RAB3GAP1: variants seen among roughly 807,000 people sequenced by gnomAD.
RAB3GAP1 encodes RAB3 GTPase activating protein catalytic subunit 1.
RAB3GAP1 carries 86 observed loss-of-function variants against 130.7 expected under a neutral mutation model. The ratio of observed to expected loss-of-function variants is 0.66; its 90% CI spans 0.55 to 0.79. The LOEUF (loss-of-function observed/expected upper bound fraction) is 0.79, where lower values mean the gene tolerates loss of function less well. RAB3GAP1 is among the 30% of genes least tolerant of loss of function. RAB3GAP1 has a pLI of 0.00. For missense variants in RAB3GAP1, 1,029 were observed against 1,169.4 expected, an observed-to-expected ratio of 0.88 and a Z score of 1.75; for synonymous variants, 367 against 401.7, an observed-to-expected ratio of 0.91 and a Z score of 1.03.
chr2:135,135,946 GTTCTTTCCATT>G lies in RAB3GAP1; in HGVS notation c.1923+17_1923+27del, dbSNP rs1558793870. 1 of 1,611,916 alleles carries G rather than the reference GTTCTTTCCATT, an allele frequency of 6.2e-7. No individual in the cohort carries two copies. The highest frequency in any genetic ancestry group is 1.1e-5 in the South Asian group (1 of 91,022). On this transcript the variant is annotated intron_variant, in intron 17 of 23. Coordinates refer to ENST00000264158, the MANE Select transcript of RAB3GAP1 (RefSeq NM_012233.3). ...CCAGTAACCCAGGTAGGATGCACTA[GTTCTTTCCATT>G]TTAATTTATTTTGTGGTTTATATAA... is the stretch of plus-strand genomic sequence containing the variant.
intron 5 of RAB3GAP1, among the ~76,000 whole-genome samples, chr2:135,102,930 G>T (rs1347084347): frequency 7.0e-6 from 1 of 142,170 alleles, no homozygotes; most frequent in Non-Finnish European, 1.5e-5. Context: ...CAGGAGAATT[G>T]CCTGAACCCG....
chr2:135,086,673 TTTTTTTTTTTTTTC>T (rs1389508107), intron 3 of RAB3GAP1, among the ~76,000 whole-genome samples: 7 of 136,644 alleles, frequency 5.1e-5, no homozygotes, highest in African/African-American at 2.2e-4. Context: ...TTTTTTTTTT[TTTTTTTTTTTTTTC>T]CTTAGAGATA....
At chr2:135,069,133 C>G (rs984595716) in intron 3 of RAB3GAP1, among the ~76,000 whole-genome samples, 2 of 152,178 alleles carry the variant, frequency 1.3e-5, no homozygotes, top group African/African-American at 2.4e-5. Context: ...ATTACATACA[C>G]AACACATTGC....
chr2:135,145,054 GTATT>G (rs1691955349), intron 17 of RAB3GAP1, among the ~76,000 whole-genome samples: 1 of 151,968 alleles, frequency 6.6e-6, no homozygotes, highest in Non-Finnish European at 1.5e-5. Flanking sequence ...AATATTTTTG[GTATT>G]TATTCTTTAA....
chr2:135,110,513 AATAG>A (rs1303078347), intron 5 of RAB3GAP1, among the ~76,000 whole-genome samples: 3 of 152,212 alleles, frequency 2.0e-5, no homozygotes, highest in Non-Finnish European at 4.4e-5. Context: ...ACATTTTATC[AATAG>A]ATAGAGGAAA....
rs572213463 is a variant in RAB3GAP1 at position 135,104,495 on chromosome 2, G to A, written c.363-8656G>A. On this transcript the variant is annotated intron_variant, in intron 5 of 23. Transcript: ENST00000264158. ...GTATGTTGAGAGAATTGAAGGAAAG[G>A]GTTTTCAAAGAAATACTAACAGTGA... Among the ~76,000 whole-genome samples the A allele has an allele frequency of 1.1e-3, 160 of 151,996 alleles. 1 individual carries two copies. The highest frequency in any genetic ancestry group is 6.8e-3 in the Middle Eastern group (2 of 294).
chr2:135,166,590 T>G (rs77941197), intron 23 of RAB3GAP1, among the ~76,000 whole-genome samples: 14 of 152,180 alleles, frequency 9.2e-5, no homozygotes, highest in African/African-American at 3.4e-4. Flanking sequence ...TTCAAGCAAT[T>G]CTCCTTCCTT....
intron 8 of RAB3GAP1, 42 bp from the exon 9 acceptor site, chr2:135,124,123 T>C (rs1037803336): frequency 6.4e-7 from 1 of 1,567,470 alleles, no homozygotes; most frequent in Non-Finnish European, 8.8e-7. Flanking sequence ...AGACTCTTCT[T>C]TATTTTTTCC....
At chr2:135,136,331 G>GA (rs201975671) in intron 17 of RAB3GAP1, among the ~76,000 whole-genome samples, 1,808 of 149,394 alleles carry the variant, frequency 0.012, 36 homozygotes, top group African/African-American at 0.042. Context: ...TGTCTCAAAA[G>GA]AAAAAAAAAG....
At chr2:135,151,778 C>T (rs182563694) in intron 18 of RAB3GAP1, among the ~76,000 whole-genome samples, 6 of 152,294 alleles carry the variant, frequency 3.9e-5, no homozygotes, top group East Asian at 1.9e-4. Flanking sequence ...TACCAGCCTC[C>T]GCAGCAGTAA....
intron 3 of RAB3GAP1, among the ~76,000 whole-genome samples, chr2:135,068,372 A>G (rs1689380527): frequency 1.3e-5 from 2 of 152,108 alleles, no homozygotes; most frequent in Admixed American, 6.5e-5. Context: ...GAAATTTTCA[A>G]TATGCATTAT....
At chr2:135,095,284 G>A (rs1003596770) in intron 5 of RAB3GAP1, among the ~76,000 whole-genome samples, 7 of 152,104 alleles carry the variant, frequency 4.6e-5, no homozygotes, top group South Asian at 2.1e-4. Context: ...TCCTGACCTC[G>A]TGATCCGCCC....
chr2:135,083,691 T>C (rs1202654806), intron 3 of RAB3GAP1, among the ~76,000 whole-genome samples: 1 of 151,458 alleles, frequency 6.6e-6, no homozygotes, highest in African/African-American at 2.4e-5. Context: ...TCCTAAACTC[T>C]TGGCCTCAAG....
intron 11 of RAB3GAP1, among the ~76,000 whole-genome samples, chr2:135,127,357 GTTTT>G (rs1243217044): frequency 2.7e-5 from 4 of 149,278 alleles, no homozygotes; most frequent in Admixed American, 2.7e-4. Flanking sequence ...TTGTTTGTTT[GTTTT>G]GAGAGGGAGT....
downstream of RAB3GAP1, among the ~76,000 whole-genome samples, chr2:135,173,410 T>A (rs1422181329): frequency 6.6e-6 from 1 of 151,974 alleles, no homozygotes; most frequent in African/African-American, 2.4e-5. Context: ...GTGTGATGTC[T>A]TAGAAGCTAA....
At chr2:135,112,834 T>TCTCTCACACA (rs952841554) in intron 5 of RAB3GAP1, among the ~76,000 whole-genome samples, 1 of 132,372 alleles carries the variant, frequency 7.6e-6, no homozygotes, top group African/African-American at 3.3e-5. Flanking sequence ...TCTCTCTCTC[T>TCTCTCACACA]CACACACACA....
intron 17 of RAB3GAP1, chr2:135,137,460 GC>G (rs999126034): frequency 3.2e-5 from 5 of 154,094 alleles, no homozygotes; most frequent in African/African-American, 1.2e-4. Context: ...GATGACAGAA[GC>G]CAAAATAAAA....
At chr2:135,171,847 G>C (rs534176343), downstream of RAB3GAP1, among the ~76,000 whole-genome samples, 1 of 152,162 alleles carries the variant, frequency 6.6e-6, no homozygotes, top group South Asian at 2.1e-4. Context: ...TGACACTTGG[G>C]CAGAGACTGA....
At chr2:135,144,670 T>C (rs1691946142) in intron 17 of RAB3GAP1, among the ~76,000 whole-genome samples, 1 of 152,250 alleles carries the variant, frequency 6.6e-6, no homozygotes, top group African/African-American at 2.4e-5. Flanking sequence ...CATTTGACTT[T>C]TTGCTGCCAC....
Sources: allele counts gnomAD v4.1 joint callset (sites outside exome capture counted in the v4.1 genomes callset), GRCh38; gene constraint gnomAD v4.1.1; transcripts MANE v1.5; gene names NCBI Gene and HGNC (gene_info 2026-07-23, HGNC 2026-07-21).